Variants in SLCO5A1 observed in about 807,000 individuals in gnomAD.
SLCO5A1 encodes the protein organic anion transporter polypeptide-related protein 4.
Under a neutral mutation model 65.1 loss-of-function variants are expected in SLCO5A1, and 39 were observed. The ratio of observed to expected loss-of-function variants is 0.60; its 90% CI spans 0.46 to 0.78. The LOEUF is 0.78. Ranked by LOEUF, SLCO5A1 falls within the 30% of genes least tolerant of loss-of-function variation. The pLI, the probability that SLCO5A1 is intolerant of heterozygous loss-of-function variation, is 0.00. For missense variants in SLCO5A1, 1,029 were observed against 1,069.4 expected, an observed-to-expected ratio of 0.96 and a Z score of 0.53; for synonymous variants, 438 against 415.7, an observed-to-expected ratio of 1.05 and a Z score of -0.65.
At chr8:69,757,288 G>T (rs1430005057) in intron 3 of SLCO5A1, among the ~76,000 whole-genome samples, 1 of 152,124 alleles carries the variant, frequency 6.6e-6, no homozygotes, top group Non-Finnish European at 1.5e-5. Context: ...GTAATCACCA[G>T]CCCAGTGCCT....
At chr8:69,685,933 A>G (rs1813979232) in intron 6 of SLCO5A1, among the ~76,000 whole-genome samples, 1 of 151,470 alleles carries the variant, frequency 6.6e-6, no homozygotes, top group African/African-American at 2.4e-5. Context: ...ACTTTCTGCT[A>G]TAGGGTCATT....
chr8:69,682,108 G>T, intron 7 of SLCO5A1, 76 bp downstream of exon 7: 1 of 1,457,960 alleles, frequency 6.9e-7, no homozygotes, highest in Non-Finnish European at 9.3e-7. Flanking sequence ...AGTCATTGTA[G>T]CTGCATAGGA....
Position 69,729,839 on chromosome 8 carries a change from T to C in SLCO5A1, c.1423+8201A>G, listed in dbSNP as rs138437677. Reference sequence around the variant, plus strand: ...TGATCAAGATGAAAATAGTCACCTCTTACCATTTTATATGACTGTATTACC... The same window carrying C: ...TGATCAAGATGAAAATAGTCACCTCCTACCATTTTATATGACTGTATTACC... On this transcript the variant is annotated intron_variant, in intron 5 of 9. Coordinates refer to ENST00000260126, the MANE Select transcript of SLCO5A1 (RefSeq NM_030958.3). Among the ~76,000 whole-genome samples, 233 of 152,320 alleles carry C rather than the reference T, an allele frequency of 1.5e-3. 6 individuals carry two copies. In the East Asian group the frequency reaches 0.034, roughly 22 times the overall value.
chr8:69,794,522 G>T, intron 2 of SLCO5A1: 1 of 395,530 alleles, frequency 2.5e-6, no homozygotes. Flanking sequence ...CAGTATGTCA[G>T]CACTCTTTCA....
At chr8:69,716,577 T>C (rs1815550113) in intron 5 of SLCO5A1, among the ~76,000 whole-genome samples, 1 of 152,218 alleles carries the variant, frequency 6.6e-6, no homozygotes. Flanking sequence ...ACTAACAAGG[T>C]TGAGCATCTT....
chr8:69,783,853 C>T (rs538556825), intron 2 of SLCO5A1, among the ~76,000 whole-genome samples: 2 of 152,054 alleles, frequency 1.3e-5, no homozygotes, highest in African/African-American at 4.8e-5. Flanking sequence ...TTTGTACAAG[C>T]CCATAAGATG....
At chr8:69,686,464 CATT>C (rs1406888777) in intron 6 of SLCO5A1, among the ~76,000 whole-genome samples, 1 of 152,138 alleles carries the variant, frequency 6.6e-6, no homozygotes, top group Non-Finnish European at 1.5e-5. Flanking sequence ...TCATAATCAT[CATT>C]ATCATTTAAA....
rs867116415 is a variant in SLCO5A1, at chr8:69,784,907, A to G, written c.908-23032T>C. ...AGAAAGAAGAAAGGAAGAAAGAAAG[A>G]AAGAAAGAAAGAAAGAAAGAAAGAA... On this transcript the variant is annotated intron_variant, in intron 2 of 9. Transcript: ENST00000260126. Among the ~76,000 whole-genome samples the G allele has an allele frequency of 2.5e-4, 23 of 90,284 alleles. 1 individual carries two copies. Among genetic ancestry groups the G allele is most frequent in the African/African-American group, 1.1e-3 (20 of 17,876 alleles). 59.2% of individuals were successfully genotyped at this position (90,284 alleles called of 152,430 possible).
intron 3 of SLCO5A1, among the ~76,000 whole-genome samples, chr8:69,756,462 C>T (rs1056419798): frequency 3.9e-5 from 6 of 152,156 alleles, no homozygotes; most frequent in Non-Finnish European, 5.9e-5. Flanking sequence ...CACAATACTT[C>T]ACCAAGTATG....
rs1342488073 is a variant in SLCO5A1 at position 69,832,448 on chromosome 8, G to T, written c.226C>A (p.Pro76Thr). 24 of 1,613,008 alleles carry T rather than the reference G, an allele frequency of 1.5e-5. No individual in the cohort carries two copies. Among genetic ancestry groups the T allele is most frequent in the Non-Finnish European group, 1.9e-5 (22 of 1,179,658 alleles). The change falls in exon 2 of 10, where the codon CCG becomes ACG. Residue 76 changes from proline (P) to threonine (T), a missense_variant. Physicochemically the swap from Pro to Thr is conservative, Grantham distance 38. Transcript: ENST00000260126. This position sits in a 1 kb window ranked among gnomAD's most constrained non-coding sequence, Gnocchi z 4.5. ...GAGGGACTGGGGGCCAACGGGTTCG[G>T]GCCTTGCTTCAACTCCTGGTGGCCC... ...SSGHQELKQG[P>T]NPLAPSPSAP...
chr8:69,734,515 C>T (rs1252910982), intron 5 of SLCO5A1, among the ~76,000 whole-genome samples: 1 of 152,180 alleles, frequency 6.6e-6, no homozygotes, highest in African/African-American at 2.4e-5. Context: ...TAAGTTTTCT[C>T]TCTCCTCTTA....
Position 69,673,324 on chromosome 8 carries a change from A to T in SLCO5A1, c.2092T>A (p.Tyr698Asn), listed in dbSNP as rs775670314. Reference protein sequence around the residue: ...MQFVLLRTLAYIPTPIYFGAV... With the variant: ...MQFVLLRTLANIPTPIYFGAV... ...CCAAAGTAGATTGGAGTAGGAATGT[A>T]TGCTAGAGGGGTGGAGAAGAAGAAA... The change falls in exon 10 of 10, where the codon TAC (tyrosine) becomes AAC (asparagine). Residue 698 changes from tyrosine to asparagine, a missense_variant and splice_region_variant. Tyr to Asn is a moderately radical substitution (Grantham distance 143, BLOSUM62 -2). Coordinates refer to ENST00000260126, the MANE Select transcript of SLCO5A1 (RefSeq NM_030958.3). The T allele has an allele frequency of 6.2e-6, 10 of 1,608,646 alleles. No individual in the cohort carries two copies. The East Asian group carries it at 2.0e-4, about 32-fold the overall frequency.
At position 69,672,912 on chromosome 8, in the gene SLCO5A1, G is replaced by A. The variant is rs1381029085; in HGVS notation, c.2504C>T (p.Pro835Leu). Residue 835 changes from proline to leucine, a missense_variant, in exon 10 of 10, where the codon CCG (proline) becomes CTG (leucine). Pro to Leu is a moderately conservative substitution (Grantham distance 98). This residue lies in a region of SLCO5A1 where 258 missense variants were observed against 237.4 expected (regional missense o/e 1.09). Coordinates refer to ENST00000260126, the MANE Select transcript of SLCO5A1 (RefSeq NM_030958.3). ...FPEAISSSAD[P>L]GLEESPAALE... Reference sequence around the variant, plus strand: ...GGCAGCGGGGCTCTCTTCCAGCCCCGGGTCCGCAGAGGAACTTATTGCTTC... The same window carrying A: ...GGCAGCGGGGCTCTCTTCCAGCCCCAGGTCCGCAGAGGAACTTATTGCTTC... 6.2e-6 allele frequency: 10 copies of A among 1,613,786 alleles called. No homozygotes were observed. Among genetic ancestry groups the A allele is most frequent in the African/African-American group, 1.3e-5 (1 of 75,070 alleles).
intron 2 of SLCO5A1, among the ~76,000 whole-genome samples, chr8:69,771,095 C>T (rs973667575): frequency 1.3e-5 from 2 of 152,148 alleles, no homozygotes; most frequent in Admixed American, 1.3e-4. Flanking sequence ...AGCGATTCTC[C>T]TGCCTCAGCC....
Position 69,832,651 on chromosome 8 carries a change from T to C in SLCO5A1, c.23A>G (p.Gln8Arg). 1 of 1,604,070 alleles carries C rather than the reference T, an allele frequency of 6.2e-7. No individual in the cohort carries two copies. MDEGTGL[Q>R]PGAGEQLEAP... The stretch of plus-strand genomic sequence containing the variant: ...CTCCAGCTGCTCTCCCGCCCCGGGC[T>C]GCAGTCCAGTGCCTTCGTCCATGGC... Residue 8 changes from glutamine to arginine, a missense_variant, in exon 2 of 10, where the codon CAG (glutamine) becomes CGG (arginine). Transcript: ENST00000260126. This position sits in a 1 kb window ranked among gnomAD's most constrained non-coding sequence, Gnocchi z 4.5.
chr8:69,774,063 G>A (rs899228976), intron 2 of SLCO5A1, among the ~76,000 whole-genome samples: 4 of 152,216 alleles, frequency 2.6e-5, no homozygotes, highest in African/African-American at 9.6e-5. Context: ...ATGAGAACAA[G>A]GACTGTTTTT....
chr8:69,690,052 CG>C (rs55688287), intron 6 of SLCO5A1, among the ~76,000 whole-genome samples: 36,586 of 151,922 alleles, frequency 0.24, 5,311 homozygotes, highest in South Asian at 0.38. Flanking sequence ...TTTGCGGGTA[CG>C]GGGGGGCGCC....
chr8:69,762,322 G>A (rs1376122691), intron 2 of SLCO5A1, among the ~76,000 whole-genome samples: 4 of 151,912 alleles, frequency 2.6e-5, no homozygotes, highest in East Asian at 1.9e-4. Context: ...GAGTAGCTGC[G>A]ACTACAGGCG....
At position 69,738,384 on chromosome 8, in the gene SLCO5A1, G is replaced by GTTT. The variant is rs35273615; in HGVS notation, c.1259-183_1259-181dup. Among the ~76,000 whole-genome samples the GTTT allele has an allele frequency of 9.0e-3, 1,295 of 143,472 alleles. 19 individuals are homozygous for GTTT. The highest frequency in any genetic ancestry group is 0.031 in the African/African-American group (1,239 of 39,558). 94.1% of individuals were successfully genotyped at this position (143,472 alleles called of 152,430 possible). The stretch of plus-strand genomic sequence containing the variant: ...ATCCTCTTTAAATAGATTTTCTTTT[G>GTTT]TTTTTTTTTTTTAACTTTCAACCAG... On this transcript the variant is annotated intron_variant, in intron 4 of 9. Transcript: ENST00000260126.
Sources: allele counts gnomAD v4.1 joint callset (sites outside exome capture counted in the v4.1 genomes callset), GRCh38; gene constraint gnomAD v4.1.1; regional missense constraint gnomAD v4.1.1; non-coding constraint Gnocchi (gnomAD v3.1); transcripts MANE v1.5; gene names NCBI Gene and HGNC (gene_info 2026-07-23, HGNC 2026-07-21).